FGFR1: variants seen among roughly 807,000 people sequenced by gnomAD.
FGFR1 encodes FGFR1/PLAG1 fusion.
A neutral mutation model predicts 93.7 loss-of-function variants in FGFR1; 18 were observed. That is an observed-to-expected ratio of 0.19 (90% confidence interval 0.13 to 0.28). The LOEUF is 0.28. Ranked by LOEUF, FGFR1 falls within the 10% of genes least tolerant of loss-of-function variation. The pLI is 1.00. For synonymous variants in FGFR1, 448 were observed against 429.3 expected, an observed-to-expected ratio of 1.04 and a Z score of -0.54; for missense variants, 731 against 1,080.4, an observed-to-expected ratio of 0.68 and a Z score of 4.53.
intron 2 of FGFR1, among the ~76,000 whole-genome samples, chr8:38,442,389 G>A (rs543843407): frequency 1.3e-5 from 2 of 152,146 alleles, no homozygotes; most frequent in African/African-American, 2.4e-5. Flanking sequence ...GTGTGTGTGT[G>A]TGTGTGCAGG....
chr8:38,426,335 C>G lies in FGFR1; in HGVS notation c.622-90G>C, dbSNP rs893994366. The G allele has an allele frequency of 3.8e-6, 6 of 1,574,168 alleles. No homozygotes were observed. In the Admixed American group the frequency reaches 6.7e-5, roughly 18 times the overall value. ...TCGGCACCCCGTGGCACCTGCCCTCCATATCAGAGCCTGGTGGCACAGGGC... is the reference window on the plus strand; with the variant it reads ...TCGGCACCCCGTGGCACCTGCCCTCGATATCAGAGCCTGGTGGCACAGGGC... On this transcript the variant is annotated intron_variant, in intron 5 of 17. Transcript: ENST00000447712. This position sits in a 1 kb window ranked among gnomAD's most constrained non-coding sequence, Gnocchi z 4.1.
chr8:38,461,141 G>A, intron 1 of FGFR1: 5 of 1,536,016 alleles, frequency 3.3e-6, no homozygotes, highest in Non-Finnish European at 3.5e-6. Flanking sequence ...GGGCTGCATG[G>A]GTGAAAGTGC....
Position 38,414,820 on chromosome 8 carries a change from G to T in FGFR1, c.1936C>A (p.Arg646=), listed in dbSNP as rs753193082. The change falls in exon 14 of 18, where the codon CGG becomes AGG. Residue 646 remains arginine (R), a synonymous_variant. Transcript: ENST00000447712. ...VMKIADFGLA[R]DIHHIDYYKK... The stretch of plus-strand genomic sequence containing the variant: ...TAGTAGTCGATGTGGTGAATGTCCC[G>T]TGCGAGGCCAAAGTCTGCTATCTTC... The T allele has an allele frequency of 6.2e-7, 1 of 1,613,992 alleles. No homozygotes were observed. Among genetic ancestry groups the T allele is most frequent in the South Asian group, 1.1e-5 (1 of 91,076 alleles).
intron 2 of FGFR1, among the ~76,000 whole-genome samples, chr8:38,455,512 C>T (rs1421281487): frequency 1.3e-5 from 2 of 152,014 alleles, no homozygotes; most frequent in Non-Finnish European, 2.9e-5. Context: ...AGGATGGTCT[C>T]GAACTCCTGA....
At position 38,426,050 on chromosome 8, in the gene FGFR1, C is replaced by T. The variant is rs2150853479; in HGVS notation, c.745+72G>A. On this transcript the variant is annotated intron_variant, in intron 6 of 17. Coordinates refer to ENST00000447712, the MANE Select transcript of FGFR1 (RefSeq NM_023110.3). This position sits in a 1 kb window ranked among gnomAD's most constrained non-coding sequence, Gnocchi z 4.1. Reference sequence around the variant, plus strand: ...TGACTCTGCCCCTAAGAAACCTGGACACCCCGGCTGTGTTCTCCAAGCCTG... The same window carrying T: ...TGACTCTGCCCCTAAGAAACCTGGATACCCCGGCTGTGTTCTCCAAGCCTG... 6.2e-7 allele frequency: 1 copy of T among 1,608,312 alleles called. No individual in the cohort carries two copies. The highest frequency in any genetic ancestry group is 1.3e-5 in the African/African-American group (1 of 74,950).
In FGFR1 at chr8:38,417,846, T is replaced by C. The variant is rs908738802; in HGVS notation, c.1552+24A>G. On this transcript the variant is annotated intron_variant, in intron 11 of 17. Transcript: ENST00000447712. ...GCTTGGAATGGGACAAGATTTTCTTTGCAAGGACAGAAGCATCACTTACAC... is the reference window on the plus strand; with the variant it reads ...GCTTGGAATGGGACAAGATTTTCTTCGCAAGGACAGAAGCATCACTTACAC... 4 of 1,614,078 alleles carry C rather than the reference T, an allele frequency of 2.5e-6. No homozygotes were observed. In the East Asian group the frequency reaches 8.9e-5, roughly 36 times the overall value.
chr8:38,440,232 G>T, intron 2 of FGFR1: 1 of 1,329,190 alleles, frequency 7.5e-7, no homozygotes, highest in Non-Finnish European at 1.1e-6. Context: ...GAACAGCGCA[G>T]CGGGGCTCCG....
chr8:38,453,335 C>T (rs972139192), intron 2 of FGFR1, among the ~76,000 whole-genome samples: 29 of 152,234 alleles, frequency 1.9e-4, no homozygotes, highest in African/African-American at 7.0e-4. Flanking sequence ...CCACAACGGC[C>T]ATTGACTGCT....
intron 7 of FGFR1, chr8:38,423,229 C>A (rs1354071580): frequency 3.9e-6 from 3 of 767,192 alleles, no homozygotes; most frequent in Non-Finnish European, 7.3e-6. Flanking sequence ...GATGTGGCCA[C>A]GCACGTTGCT....
In FGFR1 at chr8:38,425,496, C is replaced by A. The variant is rs550516525; in HGVS notation, c.745+626G>T. 3.3e-5 allele frequency among the ~76,000 whole-genome samples: 5 copies of A among 152,152 alleles called. No individual in the cohort carries two copies. In the South Asian group the frequency reaches 1.0e-3, roughly 32 times the overall value. On this transcript the variant is annotated intron_variant, in intron 6 of 17. Coordinates refer to ENST00000447712, the MANE Select transcript of FGFR1 (RefSeq NM_023110.3). ...TCCTGGCCACAATCTCCTTCTTAGA[C>A]CATATCATCATAATCAAGAAGAACA...
chr8:38,430,052 G>GAT, intron 2 of FGFR1, 104 bp from the exon 3 acceptor site: 9 of 1,180,850 alleles, frequency 7.6e-6, no homozygotes, highest in South Asian at 3.0e-5. Flanking sequence ...GCCACACGGA[G>GAT]CCGCACCATC....
intron 10 of FGFR1, 58 bp downstream of exon 10, chr8:38,418,170 C>T (rs1464512680): frequency 6.2e-7 from 1 of 1,612,844 alleles, no homozygotes; most frequent in Non-Finnish European, 8.5e-7. Context: ...ACACCTTCCA[C>T]CACTAGAATA....
chr8:38,447,478 G>A (rs1025074962), intron 2 of FGFR1, among the ~76,000 whole-genome samples: 1 of 152,016 alleles, frequency 6.6e-6, no homozygotes, highest in Non-Finnish European at 1.5e-5. Context: ...GTGTGGAGAT[G>A]ATATTTATTA....
chr8:38,416,169 C>G (rs1816511774), intron 12 of FGFR1, 109 bp from the exon 13 acceptor site: 1 of 892,200 alleles, frequency 1.1e-6, no homozygotes, highest in Non-Finnish European at 1.8e-6. Context: ...CCTCCCATCT[C>G]CTGCCTCCTC....
chr8:38,454,477 G>A (rs544347039), intron 2 of FGFR1, among the ~76,000 whole-genome samples: 2 of 152,150 alleles, frequency 1.3e-5, no homozygotes, highest in South Asian at 4.2e-4. Flanking sequence ...TCTCATCTCA[G>A]TCTCCAGTTG....
chr8:38,467,862 G>C, intron 1 of FGFR1, 119 bp downstream of exon 1: 1 of 229,270 alleles, frequency 4.4e-6, no homozygotes, highest in Non-Finnish European at 8.7e-6. Context: ...GGCGAGCGGA[G>C]GGAGGCGCCG....
chr8:38,417,946 C>T lies in FGFR1; in HGVS notation c.1476G>A (p.Val492=), dbSNP rs1817294749. 1 of 1,614,108 alleles carries T rather than the reference C, an allele frequency of 6.2e-7. No homozygotes were observed. Among genetic ancestry groups the T allele is most frequent in the African/African-American group, 1.3e-5 (1 of 74,930 alleles). ...CCAGCCCGATAGCCTCTGCCAACAC[C>T]ACCTGCCCAAAGCAGCCCTCTCCCA... ...KPLGEGCFGQ[V]VLAEAIGLDK... is the part of the protein sequence containing the mutation. The change falls in exon 11 of 18, where the codon GTG becomes GTA. Residue 492 remains valine (V), a synonymous_variant. Transcript: ENST00000447712.
At position 38,413,289 on chromosome 8, in the gene FGFR1, G is replaced by A. The variant is rs1814988176; in HGVS notation, c.*339C>T. Reference sequence around the variant, plus strand: ...GACCAAACCGACAGGAGAAAGCTCAGGAAGCTCTCACTTGCATGCCTGTTC... The same window carrying A: ...GACCAAACCGACAGGAGAAAGCTCAAGAAGCTCTCACTTGCATGCCTGTTC... On this transcript the variant is annotated 3_prime_UTR_variant, in exon 18 of 18. Transcript: ENST00000447712. The surrounding 1 kb of genome is among the most constrained non-coding windows in gnomAD (Gnocchi z 4.2). The A allele has an allele frequency of 2.4e-6, 1 of 408,536 alleles. No homozygotes were observed. The highest frequency in any genetic ancestry group is 2.0e-5 in the African/African-American group (1 of 50,418). 25.3% of individuals were successfully genotyped at this position (408,536 alleles called of 1,614,324 possible).
rs2150712746 is a variant in FGFR1, at chr8:38,419,683, G to C, written c.1134C>G (p.Ile378Met). The C allele has an allele frequency of 6.2e-7, 1 of 1,614,188 alleles. No homozygotes were observed. Among genetic ancestry groups the C allele is most frequent in the Non-Finnish European group, 8.5e-7 (1 of 1,180,034 alleles). Reference protein sequence around the residue: ...VMTSPLYLEIIIYCTGAFLIS... With the variant: ...VMTSPLYLEIMIYCTGAFLIS... ...TGAGGAAGGCCCCTGTGCAATAGAT[G>C]ATGATCTCCAGGTACAGGGGCGAGG... Residue 378 changes from isoleucine to methionine, a missense_variant, in exon 9 of 18, where the codon ATC becomes ATG. Physicochemically the swap from Ile to Met is conservative, Grantham distance 10. This residue lies in a region of FGFR1 where 146 missense variants were observed against 173.0 expected (regional missense o/e 0.84). Transcript: ENST00000447712.
Sources: allele counts gnomAD v4.1 joint callset (sites outside exome capture counted in the v4.1 genomes callset), GRCh38; gene constraint gnomAD v4.1.1; regional missense constraint gnomAD v4.1.1; non-coding constraint Gnocchi (gnomAD v3.1); transcripts MANE v1.5; gene names NCBI Gene and HGNC (gene_info 2026-07-23, HGNC 2026-07-21).